CDC42SE2: variants seen among roughly 807,000 people sequenced by gnomAD.
CDC42SE2 encodes the protein CDC42 small effector protein 2.
A neutral mutation model predicts 11.5 loss-of-function variants in CDC42SE2; 3 were observed. That is an observed-to-expected ratio of 0.26 (90% confidence interval 0.12 to 0.67). The LOEUF (loss-of-function observed/expected upper bound fraction) is 0.67. CDC42SE2 is among the 30% of genes least tolerant of loss of function. The probability of loss-of-function intolerance (pLI) is 0.80; values close to 1 mark genes in which losing one functional copy is unlikely to be tolerated. For missense variants in CDC42SE2, 82 were observed against 106.8 expected, an observed-to-expected ratio of 0.77 and a Z score of 1.02; for synonymous variants, 33 against 34.8, an observed-to-expected ratio of 0.95 and a Z score of 0.18.
At chr5:131,227,065 A>G in the CDC42SE2 span, among the ~76,000 whole-genome samples, 1 of 152,220 alleles carries the variant, frequency 6.6e-6, no homozygotes, top group South Asian at 2.1e-4. Context: ...TGGCCAGTCC[A>G]GAGGGAACAC....
At chr5:131,327,374 G>A (rs1211285674) in intron 2 of CDC42SE2, among the ~76,000 whole-genome samples, 2 of 152,046 alleles carry the variant, frequency 1.3e-5, no homozygotes, top group Non-Finnish European at 2.9e-5. Context: ...GGCTACTAAG[G>A]CATTTGACTA....
At chr5:131,283,225 CCAAAATCACCTTTTTTA>C (rs1406398063) in intron 1 of CDC42SE2, among the ~76,000 whole-genome samples, 1 of 152,058 alleles carries the variant, frequency 6.6e-6, no homozygotes. Flanking sequence ...CTGCGCCTGG[CCAAAATCACCTTTTTTA>C]CATAAGTCAG....
rs185919275 is a variant in CDC42SE2, at chr5:131,393,869, G to A, written c.*2778G>A. 1.5e-4 allele frequency: 16 copies of A among 109,168 alleles called. No individual in the cohort carries two copies. The highest frequency in any genetic ancestry group is 5.8e-4 in the East Asian group (2 of 3,438). The allele number at this position is 109,168 out of a possible 1,614,324, so 6.8% of individuals were successfully genotyped here. ...GCTGCTCCAACGACCAGCATGTGTT[G>A]GAGCAGATCTCCATGGTAAGCCAAA... is the stretch of plus-strand genomic sequence containing the variant. On this transcript the variant is annotated 3_prime_UTR_variant, in exon 5 of 5. Coordinates refer to ENST00000505065, the MANE Select transcript of CDC42SE2 (RefSeq NM_001375635.1).
intron 1 of CDC42SE2, among the ~76,000 whole-genome samples, chr5:131,267,536 G>A (rs1345055488): frequency 1.3e-5 from 2 of 152,006 alleles, no homozygotes; most frequent in Non-Finnish European, 2.9e-5. Flanking sequence ...TTGGGGAGAG[G>A]GTAGTTCATT....
intron 2 of CDC42SE2, among the ~76,000 whole-genome samples, chr5:131,340,070 C>T (rs950936169): frequency 4.6e-5 from 7 of 152,134 alleles, no homozygotes; most frequent in Non-Finnish European, 1.0e-4. Flanking sequence ...CAATAGAGGT[C>T]TTCTGCAAAG....
At chr5:131,328,692 T>C (rs1400738616) in intron 2 of CDC42SE2, among the ~76,000 whole-genome samples, 1 of 152,224 alleles carries the variant, frequency 6.6e-6, no homozygotes, top group African/African-American at 2.4e-5. Context: ...TCATCCTTCT[T>C]TCACAGTAGT....
intron 2 of CDC42SE2, among the ~76,000 whole-genome samples, chr5:131,339,990 C>G (rs947074283): frequency 1.3e-5 from 2 of 152,048 alleles, no homozygotes; most frequent in African/African-American, 4.8e-5. Flanking sequence ...TTCAAAACAC[C>G]TATCACAAAA....
At chr5:131,388,246 C>T (rs1168147680) in intron 4 of CDC42SE2, among the ~76,000 whole-genome samples, 5 of 152,206 alleles carry the variant, frequency 3.3e-5, no homozygotes, top group South Asian at 2.1e-4. Context: ...CCACCCACCT[C>T]GGCCTCCCAA....
intron 2 of CDC42SE2, among the ~76,000 whole-genome samples, chr5:131,345,367 C>T (rs915930042): frequency 2.0e-5 from 3 of 151,954 alleles, no homozygotes; most frequent in African/African-American, 7.3e-5. Flanking sequence ...GCACAAGCTT[C>T]AGTAGCTGAT....
chr5:131,380,252 AC>A (rs1750280970), intron 3 of CDC42SE2, among the ~76,000 whole-genome samples: 2 of 151,838 alleles, frequency 1.3e-5, no homozygotes, highest in African/African-American at 4.8e-5. Context: ...CTTTTATAAA[AC>A]CCTTGCCCCC....
chr5:131,388,753 A>G (rs1750564452), intron 4 of CDC42SE2, among the ~76,000 whole-genome samples: 1 of 152,250 alleles, frequency 6.6e-6, no homozygotes, highest in African/African-American at 2.4e-5. Context: ...TTTAAATTGA[A>G]GAATTGACTT....
At chr5:131,348,479 A>G (rs1356163439) in intron 2 of CDC42SE2, among the ~76,000 whole-genome samples, 4 of 152,186 alleles carry the variant, frequency 2.6e-5, no homozygotes, top group South Asian at 4.1e-4. Flanking sequence ...CCATTGCTCA[A>G]TGAAATAAAA....
At chr5:131,228,621 C>T in the CDC42SE2 span, among the ~76,000 whole-genome samples, 3 of 152,110 alleles carry the variant, frequency 2.0e-5, no homozygotes, top group African/African-American at 7.2e-5. Context: ...AGCTCCTTAC[C>T]GTCTTTTAGG....
intron 1 of CDC42SE2, among the ~76,000 whole-genome samples, chr5:131,269,125 C>T (rs1331652663): frequency 2.0e-5 from 3 of 152,066 alleles, no homozygotes; most frequent in Admixed American, 6.6e-5. Flanking sequence ...TTGTATCTTT[C>T]TATAATACTA....
intron 1 of CDC42SE2, among the ~76,000 whole-genome samples, chr5:131,254,806 G>A (rs752235732): frequency 6.6e-6 from 1 of 152,162 alleles, no homozygotes; most frequent in Non-Finnish European, 1.5e-5. Flanking sequence ...AAGCCAACAT[G>A]CTTTCTACAG....
chr5:131,305,638 A>G (rs1056762265), intron 1 of CDC42SE2, among the ~76,000 whole-genome samples: 8 of 152,084 alleles, frequency 5.3e-5, no homozygotes, highest in South Asian at 4.1e-4. Context: ...AGTTCCTTAT[A>G]TATTTTGGAT....
intron 2 of CDC42SE2, among the ~76,000 whole-genome samples, chr5:131,341,201 C>T (rs543227120): frequency 2.4e-4 from 37 of 152,150 alleles, no homozygotes; most frequent in African/African-American, 8.4e-4. Context: ...GTCATTCAGA[C>T]CCCAGTACAA....
At chr5:131,242,383 G>A (rs1756547103), upstream of CDC42SE2, among the ~76,000 whole-genome samples, 1 of 152,074 alleles carries the variant, frequency 6.6e-6, no homozygotes, top group South Asian at 2.1e-4. Flanking sequence ...ATCAGAATAA[G>A]TGGCCTTCTG....
At chr5:131,282,641 A>G (rs535306360) in intron 1 of CDC42SE2, among the ~76,000 whole-genome samples, 2 of 151,986 alleles carry the variant, frequency 1.3e-5, no homozygotes, top group East Asian at 3.9e-4. Flanking sequence ...TAAAATTATT[A>G]TTATTGAGAT....
Sources: allele counts gnomAD v4.1 joint callset (sites outside exome capture counted in the v4.1 genomes callset), GRCh38; gene constraint gnomAD v4.1.1; transcripts MANE v1.5; gene names NCBI Gene and HGNC (gene_info 2026-07-23, HGNC 2026-07-21).